The following DPF3 variants were observed in gnomAD, a reference collection of about 807,000 sequenced individuals.
The protein encoded by DPF3 is double PHD fingers 3.
Under a neutral mutation model 56.8 loss-of-function variants are expected in DPF3, and 18 were observed. The ratio of observed to expected loss-of-function variants is 0.32; its 90% CI spans 0.22 to 0.47. The LOEUF (loss-of-function observed/expected upper bound fraction) is 0.47. Among genes scored for constraint, DPF3 ranks in the 20% least tolerant of loss-of-function variants. The probability of loss-of-function intolerance (pLI) is 1.00; values close to 1 mark genes in which losing one functional copy is unlikely to be tolerated. For synonymous variants in DPF3, 188 were observed against 180.2 expected (o/e 1.04, Z -0.35); for missense variants, 403 against 488.8 (o/e 0.82, Z 1.65).
chr14:72,632,926 G>T (rs1239554583), intron 8 of DPF3, among the ~76,000 whole-genome samples: 1 of 151,906 alleles, frequency 6.6e-6, no homozygotes, highest in African/African-American at 2.4e-5. Context: ...GAATTGTTGA[G>T]GGGTGGGAGG....
At chr14:72,835,782 A>C (rs1374844490) in intron 1 of DPF3, among the ~76,000 whole-genome samples, 2 of 152,168 alleles carry the variant, frequency 1.3e-5, no homozygotes, top group Non-Finnish European at 2.9e-5. Flanking sequence ...AGCAAGGCAT[A>C]CATGCAACTA....
At chr14:72,809,727 C>A (rs568003071) in intron 1 of DPF3, among the ~76,000 whole-genome samples, 29 of 152,258 alleles carry the variant, frequency 1.9e-4, no homozygotes, top group African/African-American at 6.5e-4. Flanking sequence ...TCTTATGATT[C>A]CATAGATCAG....
intron 8 of DPF3, among the ~76,000 whole-genome samples, chr14:72,640,490 AC>A (rs1885524009): frequency 6.6e-6 from 1 of 152,170 alleles, no homozygotes; most frequent in African/African-American, 2.4e-5. Flanking sequence ...ACAAAATCCT[AC>A]CCTTCTGGAG....
chr14:72,671,608 G>T, intron 8 of DPF3: 1 of 593,294 alleles, frequency 1.7e-6, no homozygotes, highest in Non-Finnish European at 3.2e-6. Flanking sequence ...ATTCAACCAT[G>T]ATCTTTCTTC....
intron 1 of DPF3, among the ~76,000 whole-genome samples, chr14:72,848,426 A>G (rs1316728693): frequency 6.6e-6 from 1 of 152,118 alleles, no homozygotes; most frequent in African/African-American, 2.4e-5. Flanking sequence ...TGGCCTCCCA[A>G]AGTGCTGAGA....
chr14:72,861,784 A>AAGAAAGG (rs1885440687), intron 1 of DPF3, among the ~76,000 whole-genome samples: 1 of 148,346 alleles, frequency 6.7e-6, no homozygotes, highest in African/African-American at 2.5e-5. Context: ...AGAAAGAAAG[A>AAGAAAGG]AAGAAAGAAA....
intron 3 of DPF3, among the ~76,000 whole-genome samples, chr14:72,747,856 A>G (rs1354042659): frequency 6.6e-6 from 1 of 152,190 alleles, no homozygotes; most frequent in Non-Finnish European, 1.5e-5. Flanking sequence ...GACTCCTGCC[A>G]TCCATGTAAG....
chr14:72,670,025 G>C (rs1886599423), intron 8 of DPF3: 5 of 959,614 alleles, frequency 5.2e-6, no homozygotes, highest in Non-Finnish European at 6.2e-6. Context: ...CATCGCCCCA[G>C]GGGCCTTGAG....
chr14:72,761,750 C>T (rs1273547271), intron 2 of DPF3, among the ~76,000 whole-genome samples: 1 of 151,564 alleles, frequency 6.6e-6, no homozygotes, highest in Non-Finnish European at 1.5e-5. Context: ...AAGATCAGAG[C>T]AGAAAAAACA....
At chr14:72,892,644 G>C (rs1208977880) in intron 1 of DPF3, 1 of 1,106,246 alleles carries the variant, frequency 9.0e-7, no homozygotes, top group Non-Finnish European at 1.1e-6. Context: ...GGGTGAAGAC[G>C]AGAATGCGCT....
rs781694104 is a variant in DPF3, at chr14:72,753,217, C to G, written c.301+47G>C. The G allele has an allele frequency of 8.2e-6, 13 of 1,582,202 alleles. 1 individual carries two copies. In the South Asian group the frequency reaches 1.4e-4, roughly 17 times the overall value. ...CTTGTCCTGGGCCCAGCCCAGTCCT[C>G]CCACCTTTCCCATCACAGACCCAGC... On this transcript the variant is annotated intron_variant, in intron 3 of 10. Transcript: ENST00000556509.
At chr14:72,849,019 C>T (rs762787265) in intron 1 of DPF3, among the ~76,000 whole-genome samples, 3 of 152,158 alleles carry the variant, frequency 2.0e-5, no homozygotes, top group Non-Finnish European at 2.9e-5. Flanking sequence ...ATATTAATAT[C>T]TCCAGATGAA....
Position 72,693,083 on chromosome 14 carries a change from G to C in DPF3, c.735C>G (p.Asn245Lys). ...TAACAAGTAGGCACTCACGCCTGTG[G>C]TTCTCATTTCTGTGGTTGGGTGGGG... ...TRSPPNHRNE[N>K]HRPQKGPDGT... The change falls in exon 7 of 11, where the codon AAC becomes AAG. Residue 245 changes from asparagine (N) to lysine (K), a missense_variant. By Grantham distance (94) the Asn-to-Lys change is moderately conservative. This residue lies in a region of DPF3 where 340 missense variants were observed against 374.3 expected (regional missense o/e 0.91). Coordinates refer to ENST00000556509, the MANE Select transcript of DPF3 (RefSeq NM_001280542.3). The C allele has an allele frequency of 6.2e-7, 1 of 1,613,980 alleles. No individual in the cohort carries two copies. The highest frequency in any genetic ancestry group is 1.1e-5 in the South Asian group (1 of 91,072).
At position 72,684,219 on chromosome 14, in the gene DPF3, G is replaced by A. The variant is rs141206429; in HGVS notation, c.742+8857C>T. On this transcript the variant is annotated intron_variant, in intron 7 of 10. Coordinates refer to ENST00000556509, the MANE Select transcript of DPF3 (RefSeq NM_001280542.3). Reference sequence around the variant, plus strand: ...GCACCACCACACCTGGCTAATTTTTGTATTTTTAGTAGAGATGGGGCTTCA... The same window carrying A: ...GCACCACCACACCTGGCTAATTTTTATATTTTTAGTAGAGATGGGGCTTCA... Among the ~76,000 whole-genome samples, 70 of 152,108 alleles carry A rather than the reference G, an allele frequency of 4.6e-4. No homozygotes were observed. In the East Asian group the frequency reaches 8.7e-3, roughly 19 times the overall value.
intron 1 of DPF3, among the ~76,000 whole-genome samples, chr14:72,803,247 G>A (rs1199504110): frequency 2.0e-5 from 3 of 152,182 alleles, no homozygotes; most frequent in Non-Finnish European, 4.4e-5. Flanking sequence ...CTCTCTCAGG[G>A]TGAAGTGTGA....
At chr14:72,770,733 A>G (rs893730917) in intron 2 of DPF3, among the ~76,000 whole-genome samples, 1 of 152,222 alleles carries the variant, frequency 6.6e-6, no homozygotes, top group Non-Finnish European at 1.5e-5. Context: ...ATGAAGGTGA[A>G]ATTTTTCCAA....
chr14:72,733,659 C>T (rs1242063273), intron 3 of DPF3, among the ~76,000 whole-genome samples: 2 of 152,200 alleles, frequency 1.3e-5, no homozygotes, highest in Admixed American at 6.5e-5. Context: ...GAGCCCCCTT[C>T]ACACAGCCTA....
At chr14:72,839,227 A>C (rs1171510844) in intron 1 of DPF3, among the ~76,000 whole-genome samples, 1 of 151,926 alleles carries the variant, frequency 6.6e-6, no homozygotes, top group Non-Finnish European at 1.5e-5. Context: ...GGCCATATAT[A>C]TTCTTTTAAT....
At chr14:72,815,237 T>C (rs1054454364) in intron 1 of DPF3, among the ~76,000 whole-genome samples, 13 of 149,264 alleles carry the variant, frequency 8.7e-5, no homozygotes, top group Non-Finnish European at 1.6e-4. Flanking sequence ...AAAAAAAAGG[T>C]TCAACATTAT....
Sources: gnomAD v4.1 joint callset for allele counts (sites outside exome capture counted in the v4.1 genomes callset) on GRCh38, gnomAD v4.1.1 for gene constraint, gnomAD v4.1.1 regional missense constraint, MANE v1.5 for transcripts, NCBI Gene and HGNC (gene_info 2026-07-23, HGNC 2026-07-21) for gene names.